PVT1: variants seen among roughly 807,000 people sequenced by gnomAD.
The protein encoded by PVT1 is Pvt1 oncogene.
At chr8:127,900,823 G>A (rs1459110525) in intron 3 of PVT1, among the ~76,000 whole-genome samples, 1 of 152,180 alleles carries the variant, frequency 6.6e-6, no homozygotes, top group Non-Finnish European at 1.5e-5. Context: ...TATTTCCTAG[G>A]TTCCTTCCCT....
At chr8:128,074,691 G>A (rs932291904) in intron 5 of PVT1, among the ~76,000 whole-genome samples, 3 of 152,112 alleles carry the variant, frequency 2.0e-5, no homozygotes, top group Non-Finnish European at 2.9e-5. Context: ...GAACTGTCTC[G>A]GTTTTGAAAG....
At chr8:128,037,315 A>T (rs1813475974) in intron 4 of PVT1, among the ~76,000 whole-genome samples, 1 of 152,218 alleles carries the variant, frequency 6.6e-6, no homozygotes, top group African/African-American at 2.4e-5. Flanking sequence ...AGAGGGGAGT[A>T]ATCATTATCA....
At chr8:127,832,654 A>G (rs111442262) in intron 2 of PVT1, among the ~76,000 whole-genome samples, 10 of 152,194 alleles carry the variant, frequency 6.6e-5, no homozygotes, top group South Asian at 2.1e-4. Flanking sequence ...GTCAGGAGAT[A>G]GAGACCATCC....
chr8:128,084,100 T>C (rs571445042), intron 5 of PVT1, among the ~76,000 whole-genome samples: 2 of 152,036 alleles, frequency 1.3e-5, no homozygotes, highest in Non-Finnish European at 2.9e-5. Context: ...CTATCCTTTA[T>C]CCCCCCCTTG....
chr8:127,906,761 C>T (rs1815827590), intron 3 of PVT1, among the ~76,000 whole-genome samples: 1 of 152,118 alleles, frequency 6.6e-6, no homozygotes, highest in Non-Finnish European at 1.5e-5. Context: ...GTTAATGTCA[C>T]CATTCTTATG....
At chr8:127,846,980 C>CTTTTTTT (rs34437112) in intron 2 of PVT1, among the ~76,000 whole-genome samples, 84 of 62,408 alleles carry the variant, frequency 1.3e-3, no homozygotes, top group Non-Finnish European at 1.9e-3. Flanking sequence ...TGCACATGGC[C>CTTTTTTT]TTTTTTTTTT....
chr8:127,985,307 C>A (rs891203902), intron 3 of PVT1, among the ~76,000 whole-genome samples: 3 of 151,984 alleles, frequency 2.0e-5, no homozygotes, highest in African/African-American at 7.3e-5. Context: ...GTTGGGATTA[C>A]AGGCGTGAGC....
chr8:127,807,798 G>A lies in PVT1; in HGVS notation n.372+11727G>A, dbSNP rs1233363355. Among the ~76,000 whole-genome samples the A allele has an allele frequency of 7.3e-5, 11 of 151,248 alleles. No homozygotes were observed. In the East Asian group the frequency reaches 1.8e-3, roughly 24 times the overall value. ...CTTTTTTTTTTTGAGACGGAGTCTC[G>A]CTCTGTCACCCAGGCTGGGAGTGCA... is the stretch of plus-strand genomic sequence containing the variant. On this transcript the variant is annotated intron_variant and non_coding_transcript_variant, in intron 2 of 10. Transcript: ENST00000651587.
chr8:128,080,107 T>C (rs1262440993), intron 5 of PVT1, among the ~76,000 whole-genome samples: 1 of 152,242 alleles, frequency 6.6e-6, no homozygotes, highest in Non-Finnish European at 1.5e-5. Context: ...TTTGTCTGGA[T>C]GTACCACAGT....
chr8:127,897,863 G>A (rs1464724586), intron 3 of PVT1, among the ~76,000 whole-genome samples: 2 of 97,996 alleles, frequency 2.0e-5, no homozygotes, highest in Non-Finnish European at 4.0e-5. Flanking sequence ...AGACAGGAAG[G>A]AAGAAAGGAA....
At chr8:127,906,633 T>C (rs1001438521) in intron 3 of PVT1, among the ~76,000 whole-genome samples, 3 of 152,056 alleles carry the variant, frequency 2.0e-5, no homozygotes, top group Non-Finnish European at 4.4e-5. Flanking sequence ...TGTTTTGCCA[T>C]CCGGAGAATC....
intron 2 of PVT1, among the ~76,000 whole-genome samples, chr8:127,860,713 C>T (rs1355759131): frequency 6.8e-6 from 1 of 146,420 alleles, no homozygotes; most frequent in Non-Finnish European, 1.5e-5. Flanking sequence ...TGTAGTAAGT[C>T]GAGATCACGC....
intron 3 of PVT1, among the ~76,000 whole-genome samples, chr8:127,937,607 A>AGAGACC (rs1554598578): frequency 6.6e-6 from 1 of 150,878 alleles, no homozygotes; most frequent in African/African-American, 2.4e-5. Context: ...AGAGAGAGAG[A>AGAGACC]GACCAACGTG....
At chr8:127,806,760 C>T (rs1814533511) in intron 2 of PVT1, among the ~76,000 whole-genome samples, 3 of 152,130 alleles carry the variant, frequency 2.0e-5, no homozygotes, top group Admixed American at 1.3e-4. Context: ...ACAGTGTTGC[C>T]TTTTTCAGAG....
chr8:127,909,508 T>C (rs13276337), intron 3 of PVT1, among the ~76,000 whole-genome samples: 108,388 of 152,122 alleles, frequency 0.71, 39,558 homozygotes, highest in African/African-American at 0.87. Context: ...TAATAGCGCT[T>C]GCTTCAGGGG....
intron 4 of PVT1, among the ~76,000 whole-genome samples, chr8:127,995,830 A>G (rs1817098038): frequency 6.6e-6 from 1 of 152,244 alleles, no homozygotes; most frequent in Admixed American, 6.5e-5. Flanking sequence ...CAGTTTGCAA[A>G]TGAAGGAATC....
At chr8:127,814,818 C>T (rs1338380122) in intron 2 of PVT1, among the ~76,000 whole-genome samples, 2 of 152,160 alleles carry the variant, frequency 1.3e-5, no homozygotes, top group African/African-American at 2.4e-5. Context: ...ACTCTGCACT[C>T]ATTAAACACT....
chr8:127,806,466 T>TA (rs1329657172), intron 2 of PVT1, among the ~76,000 whole-genome samples: 111 of 147,754 alleles, frequency 7.5e-4, no homozygotes, highest in African/African-American at 1.7e-3. Flanking sequence ...TCTAAAAAAT[T>TA]AAAAAAAAAA....
rs535315410 is a variant in PVT1 at position 127,905,454 on chromosome 8, G to A, written n.782+14456G>A. Among the ~76,000 whole-genome samples, 22 of 152,306 alleles carry A rather than the reference G, an allele frequency of 1.4e-4. No homozygotes were observed. The East Asian group carries it at 4.2e-3, about 29-fold the overall frequency. On this transcript the variant is annotated intron_variant and non_coding_transcript_variant, in intron 3 of 10. Coordinates refer to ENST00000651587, the Ensembl canonical transcript of PVT1. ...GGGATGTGTATTTCTTGTGGTCTTA[G>A]CATGCTGGCAATTCTTATTTTTGGC... is the stretch of plus-strand genomic sequence containing the variant.
Sources: allele counts gnomAD v4.1 joint callset (sites outside exome capture counted in the v4.1 genomes callset), GRCh38; gene constraint gnomAD v4.1.1; transcripts MANE v1.5; gene names NCBI Gene and HGNC (gene_info 2026-07-23, HGNC 2026-07-21).